Variants in CERKL observed in about 807,000 individuals in gnomAD.
CERKL encodes the protein CERK like autophagy regulator, also known as ceramide kinase-like protein.
A neutral mutation model predicts 63.4 loss-of-function variants in CERKL; 61 were observed. The ratio of observed to expected loss-of-function variants is 0.96; its 90% CI spans 0.78 to 1.19. The LOEUF (loss-of-function observed/expected upper bound fraction) is 1.19. Ranked by LOEUF, CERKL falls within the 50% of genes most tolerant of loss-of-function variation. CERKL has a pLI of 0.00. For missense variants in CERKL, 675 were observed against 655.5 expected (o/e 1.03, Z -0.33); for synonymous variants, 250 against 230.5 (o/e 1.08, Z -0.77).
Position 181,537,930 on chromosome 2 carries a change from A to C in CERKL, c.*254T>G, listed in dbSNP as rs774086614. 2.3e-5 allele frequency: 14 copies of C among 598,838 alleles called. No homozygotes were observed. Among genetic ancestry groups the C allele is most frequent in the Non-Finnish European group, 4.1e-5 (13 of 318,182 alleles). 37.1% of individuals were successfully genotyped at this position (598,838 alleles called of 1,614,324 possible). A position where few individuals can be genotyped will look rare whatever the true frequency, so the allele number is the denominator to read the frequency against. On this transcript the variant is annotated 3_prime_UTR_variant, in exon 13 of 13. Transcript: ENST00000410087. Reference sequence around the variant, plus strand: ...CCCCTGTCAGATCAGCAGCAGCATTAGATTCTCATAGAAGTGCGAACCATA... The same window carrying C: ...CCCCTGTCAGATCAGCAGCAGCATTCGATTCTCATAGAAGTGCGAACCATA...
chr2:181,620,820 C>T (rs190915243), intron 1 of CERKL, among the ~76,000 whole-genome samples: 11 of 152,152 alleles, frequency 7.2e-5, no homozygotes, highest in Admixed American at 2.0e-4. Flanking sequence ...CCTTGTTGAC[C>T]GAACATCCAA....
intron 1 of CERKL, among the ~76,000 whole-genome samples, chr2:181,655,772 C>T (rs1180750592): frequency 2.0e-5 from 3 of 152,116 alleles, no homozygotes; most frequent in Non-Finnish European, 4.4e-5. Context: ...TTGTATTTAG[C>T]TAAAAGAGGT....
At chr2:181,573,417 C>T (rs1414322858) in intron 3 of CERKL, among the ~76,000 whole-genome samples, 1 of 152,124 alleles carries the variant, frequency 6.6e-6, no homozygotes, top group Non-Finnish European at 1.5e-5. Flanking sequence ...AGCAAAAAAT[C>T]AATTTCTTGC....
Position 181,552,057 on chromosome 2 carries a change from G to T in CERKL, c.821-2349C>A, listed in dbSNP as rs1039343320. Among the ~76,000 whole-genome samples the T allele has an allele frequency of 3.3e-5, 5 of 152,124 alleles. No individual in the cohort carries two copies. The South Asian group carries it at 1.0e-3, about 31-fold the overall frequency. On this transcript the variant is annotated intron_variant, in intron 5 of 12. Coordinates refer to ENST00000410087, the MANE Select transcript of CERKL (RefSeq NM_201548.5). ...CATTATGCTAGGTGAAATAAGACAGGCACAGAAAGGCAAATACTTACTTTT... is the reference window on the plus strand; with the variant it reads ...CATTATGCTAGGTGAAATAAGACAGTCACAGAAAGGCAAATACTTACTTTT...
At chr2:181,603,305 T>TA (rs913319545) in intron 2 of CERKL, among the ~76,000 whole-genome samples, 3 of 152,188 alleles carry the variant, frequency 2.0e-5, no homozygotes, top group Non-Finnish European at 4.4e-5. Flanking sequence ...AATACGCTTC[T>TA]AAAAACAACT....
At chr2:181,618,084 C>G (rs1246408745) in intron 1 of CERKL, among the ~76,000 whole-genome samples, 4 of 152,052 alleles carry the variant, frequency 2.6e-5, no homozygotes, top group African/African-American at 9.7e-5. Context: ...TACATAGGAA[C>G]AGAGTGTGGA....
chr2:181,571,418 C>T (rs946880413), intron 3 of CERKL, among the ~76,000 whole-genome samples: 1 of 152,056 alleles, frequency 6.6e-6, no homozygotes, highest in African/African-American at 2.4e-5. Context: ...GTCTCCAATA[C>T]AATTAAGAAG....
Position 181,537,200 on chromosome 2 carries a change from G to T in CERKL, c.*984C>A, listed in dbSNP as rs1687171433. 1 of 453,896 alleles carries T rather than the reference G, an allele frequency of 2.2e-6. No homozygotes were observed. Among genetic ancestry groups the T allele is most frequent in the Non-Finnish European group, 4.4e-6 (1 of 226,696 alleles). The allele number at this position is 453,896 out of a possible 1,614,324, so 28.1% of individuals were successfully genotyped here. A position where few individuals can be genotyped will look rare whatever the true frequency, so the allele number is the denominator to read the frequency against. On this transcript the variant is annotated 3_prime_UTR_variant, in exon 13 of 13. Coordinates refer to ENST00000410087, the MANE Select transcript of CERKL (RefSeq NM_201548.5). Reference sequence around the variant, plus strand: ...TCTAGGATCATAGATGAAAAATCAAGCCCCGATTTAGAACTGTCTTCTCCA... The same window carrying T: ...TCTAGGATCATAGATGAAAAATCAATCCCCGATTTAGAACTGTCTTCTCCA...
At chr2:181,612,058 C>G (rs1685991454) in intron 1 of CERKL, among the ~76,000 whole-genome samples, 1 of 152,138 alleles carries the variant, frequency 6.6e-6, no homozygotes, top group Non-Finnish European at 1.5e-5. Flanking sequence ...CTAATTTAAT[C>G]TCTACAACAA....
chr2:181,623,662 T>C (rs1021427903), intron 1 of CERKL, among the ~76,000 whole-genome samples: 8 of 152,288 alleles, frequency 5.3e-5, no homozygotes, highest in Admixed American at 3.3e-4. Context: ...TGAACAAAGA[T>C]TGGAACAAAA....
At chr2:181,596,123 G>A (rs1685198125) in intron 2 of CERKL, among the ~76,000 whole-genome samples, 1 of 152,130 alleles carries the variant, frequency 6.6e-6, no homozygotes, top group Admixed American at 6.6e-5. Context: ...TTTCTCCGAA[G>A]AAGTTTTGTT....
intron 1 of CERKL, among the ~76,000 whole-genome samples, chr2:181,645,833 T>C (rs543568452): frequency 6.6e-6 from 1 of 152,356 alleles, no homozygotes; most frequent in African/African-American, 2.4e-5. Flanking sequence ...TGTGCCATTT[T>C]TTTTCCTATT....
At chr2:181,652,654 A>G (rs954057421) in intron 1 of CERKL, among the ~76,000 whole-genome samples, 2 of 152,256 alleles carry the variant, frequency 1.3e-5, no homozygotes, top group African/African-American at 4.8e-5. Context: ...CACCTTGAAG[A>G]AAACTATTAA....
chr2:181,573,919 C>T (rs1689016686), intron 2 of CERKL, 35 bp from the exon 3 acceptor site: 2 of 1,602,624 alleles, frequency 1.2e-6, no homozygotes, highest in African/African-American at 2.7e-5. Context: ...GTTGTAAAGT[C>T]CTTGTCATCA....
At chr2:181,604,271 A>G (rs955044957) in intron 1 of CERKL, among the ~76,000 whole-genome samples, 192 bp from the exon 2 acceptor site, 2 of 152,182 alleles carry the variant, frequency 1.3e-5, no homozygotes, top group African/African-American at 4.8e-5. Flanking sequence ...AAATGTACCT[A>G]TATAACAAAC....
At chr2:181,555,608 G>C (rs1410093740) in intron 5 of CERKL, among the ~76,000 whole-genome samples, 1 of 151,768 alleles carries the variant, frequency 6.6e-6, no homozygotes, top group Non-Finnish European at 1.5e-5. Context: ...TAAATGAATA[G>C]GGTTATCAAA....
chr2:181,571,262 T>A (rs371654333), intron 3 of CERKL, among the ~76,000 whole-genome samples: 23 of 152,258 alleles, frequency 1.5e-4, no homozygotes, highest in African/African-American at 5.1e-4. Context: ...AGGAGGAGTG[T>A]TAGGCAGCTA....
At chr2:181,631,769 G>T (rs150837421) in intron 1 of CERKL, among the ~76,000 whole-genome samples, 1 of 152,154 alleles carries the variant, frequency 6.6e-6, no homozygotes, top group Non-Finnish European at 1.5e-5. Context: ...AAGGGCTCTC[G>T]AGTATGGAAA....
At chr2:181,650,993 A>C (rs1334641685) in intron 1 of CERKL, among the ~76,000 whole-genome samples, 1 of 152,228 alleles carries the variant, frequency 6.6e-6, no homozygotes, top group Non-Finnish European at 1.5e-5. Context: ...GGAAGACATA[A>C]AATCTGACCA....
Sources: gnomAD v4.1 joint callset for allele counts (sites outside exome capture counted in the v4.1 genomes callset) on GRCh38, gnomAD v4.1.1 for gene constraint, MANE v1.5 for transcripts, NCBI Gene and HGNC (gene_info 2026-07-23, HGNC 2026-07-21) for gene names.